The following MDN1 variants were observed in gnomAD, a reference collection of about 807,000 sequenced individuals.
The protein encoded by MDN1 is midasin.
MDN1 carries 266 observed loss-of-function variants against 669.2 expected under a neutral mutation model. That is an observed-to-expected ratio of 0.40 (90% CI 0.36 to 0.44). The LOEUF (loss-of-function observed/expected upper bound fraction) is 0.44, where lower values mean the gene tolerates loss of function less well. Ranked by LOEUF, MDN1 falls within the 20% of genes least tolerant of loss-of-function variation. The pLI is 1.00. For synonymous variants in MDN1, 2,385 were observed against 2,457.1 expected (o/e 0.97, Z 0.87); for missense variants, 5,940 against 6,754.0 (o/e 0.88, Z 4.22).
rs781281724 is a variant in MDN1, at chr6:89,689,917, C to G, written c.10976G>C (p.Cys3659Ser). 1 of 1,614,182 alleles carries G rather than the reference C, an allele frequency of 6.2e-7. No individual in the cohort carries two copies. The highest frequency in any genetic ancestry group is 2.2e-5 in the East Asian group (1 of 44,892). Residue 3659 changes from cysteine to serine, a missense_variant, in exon 65 of 102, where the codon TGC (cysteine) becomes TCC (serine). This residue lies in a region of MDN1 where 2,280 missense variants were observed against 2,576.3 expected (regional missense o/e 0.88). Coordinates refer to ENST00000369393, the MANE Select transcript of MDN1 (RefSeq NM_014611.3). ...AKHYLSLFLSCYQTGASLVTH... is the reference protein window; with the variant it reads ...AKHYLSLFLSSYQTGASLVTH... ...CACAAGCGATGCCCCAGTCTGATAG[C>G]AAGACAGAAACAGGCTGAGGTAATG...
At chr6:89,679,109 T>TG (rs1328014274) in intron 74 of MDN1, among the ~76,000 whole-genome samples, 1 of 152,362 alleles carries the variant, frequency 6.6e-6, no homozygotes, top group African/African-American at 2.4e-5. Context: ...TATAATCACT[T>TG]GAAGGAAATT....
In MDN1 at chr6:89,683,293, G is replaced by A; in HGVS notation, c.11941C>T (p.Leu3981=). ...AGGGATGACCGGCAGGGTTCACTCA[G>A]GACTGCTTCAAATTTCTTCATGAAT... The part of the protein sequence containing the change: ...FKFMKKFEAV[L]SEPCRSSLVE... Residue 3981 remains leucine (L), a synonymous_variant, in exon 73 of 102, where the codon CTG becomes TTG. Transcript: ENST00000369393. 6.2e-7 allele frequency: 1 copy of A among 1,614,092 alleles called. No individual in the cohort carries two copies. Among genetic ancestry groups the A allele is most frequent in the East Asian group, 2.2e-5 (1 of 44,882 alleles).
At chr6:89,673,131 C>T in intron 80 of MDN1, 105 bp downstream of exon 80, 1 of 1,010,874 alleles carries the variant, frequency 9.9e-7, no homozygotes, top group South Asian at 1.5e-5. Context: ...TGGACAGGTA[C>T]ATGTAGACCA....
chr6:89,765,219 T>C (rs1366564766), intron 15 of MDN1, among the ~76,000 whole-genome samples: 1 of 151,694 alleles, frequency 6.6e-6, no homozygotes, highest in Non-Finnish European at 1.5e-5. Context: ...ATCGTGCCAC[T>C]GCACTCCAGC....
chr6:89,648,303 A>G lies in MDN1; in HGVS notation c.16233T>C (p.Ile5411=). 6.2e-7 allele frequency: 1 copy of G among 1,614,198 alleles called. No individual in the cohort carries two copies. The highest frequency in any genetic ancestry group is 1.1e-5 in the South Asian group (1 of 91,086). Residue 5411 remains isoleucine (I), a synonymous_variant, in exon 98 of 102, where the codon ATT becomes ATC. Coordinates refer to ENST00000369393, the MANE Select transcript of MDN1 (RefSeq NM_014611.3). The part of the protein sequence containing the change: ...KQLAFESLAV[I]GNALTLLEVG... ...CTTCCAGGAGGGTTAGAGCATTTCC[A>G]ATCACAGCCAAAGATTCAAATGCAA... is the stretch of plus-strand genomic sequence containing the variant.
intron 83 of MDN1, among the ~76,000 whole-genome samples, chr6:89,670,170 A>ATATATATTTT (rs1444537561): frequency 9.4e-4 from 22 of 23,396 alleles, no homozygotes; most frequent in African/African-American, 2.8e-3. Context: ...ATATATATAT[A>ATATATATTTT]TTTTTTTTTT....
intron 9 of MDN1, among the ~76,000 whole-genome samples, chr6:89,783,648 C>A (rs1023820278): frequency 3.3e-5 from 5 of 152,136 alleles, no homozygotes; most frequent in African/African-American, 9.7e-5. Context: ...TGTTCTTACA[C>A]CCCCTCCCCT....
At chr6:89,744,091 G>A (rs1483450365) in intron 29 of MDN1, among the ~76,000 whole-genome samples, 6 of 135,940 alleles carry the variant, frequency 4.4e-5, no homozygotes, top group African/African-American at 1.1e-4. Flanking sequence ...TAACAAGAGC[G>A]GAATGCCTTC....
Position 89,727,969 on chromosome 6 carries a change from A to G in MDN1, c.5350-14T>C. 1 of 1,595,884 alleles carries G rather than the reference A, an allele frequency of 6.3e-7. No homozygotes were observed. Among genetic ancestry groups the G allele is most frequent in the Non-Finnish European group, 8.5e-7 (1 of 1,172,698 alleles). The stretch of plus-strand genomic sequence containing the variant: ...GTCTGTGATGTCCTTTGAAAGGGGA[A>G]GAAATGGAAAGAAGCCATTATTACT... On this transcript the variant is annotated splice_polypyrimidine_tract_variant and intron_variant, in intron 36 of 101. Transcript: ENST00000369393.
In MDN1 at chr6:89,819,757, C is replaced by G. The variant is rs972450155; in HGVS notation, c.-150G>C. ...TCCAGCGCCTACACCGGGAGAGGGG[C>G]ACCACACGTGGGTGAGCACACGGCG... On this transcript the variant is annotated 5_prime_UTR_variant, in exon 1 of 102. Coordinates refer to ENST00000369393, the MANE Select transcript of MDN1 (RefSeq NM_014611.3). 3.1e-6 allele frequency: 2 copies of G among 645,284 alleles called. No individual in the cohort carries two copies. Among genetic ancestry groups the G allele is most frequent in the South Asian group, 3.5e-5 (2 of 56,666 alleles). The allele number at this position is 645,284 out of a possible 1,614,324, so 40.0% of individuals were successfully genotyped here.
Position 89,700,288 on chromosome 6 carries a change from A to G in MDN1, c.8645T>C (p.Leu2882Ser). The G allele has an allele frequency of 6.2e-7, 1 of 1,613,326 alleles. No individual in the cohort carries two copies. The highest frequency in any genetic ancestry group is 8.5e-7 in the Non-Finnish European group (1 of 1,179,284). The change falls in exon 57 of 102, where the codon TTG becomes TCG. Residue 2882 changes from leucine (L) to serine (S), a missense_variant. Physicochemically the swap from Leu to Ser is moderately radical, Grantham distance 145 (BLOSUM62 -2). Coordinates refer to ENST00000369393, the MANE Select transcript of MDN1 (RefSeq NM_014611.3). The part of the protein sequence containing the change: ...NILEDVSLDE[L>S]KNFVHAQCLE... ...ACACTGAGCATGCACAAAATTCTTC[A>G]ATTCATCTGGACAAAAAGACAAATG...
At chr6:89,818,916 T>C (rs967123132) in intron 1 of MDN1, among the ~76,000 whole-genome samples, 2 of 152,196 alleles carry the variant, frequency 1.3e-5, no homozygotes, top group East Asian at 3.8e-4. Context: ...TTATAATTTG[T>C]ATAGTTAGTT....
chr6:89,721,655 G>A (rs1330607403), intron 40 of MDN1, among the ~76,000 whole-genome samples: 2 of 152,150 alleles, frequency 1.3e-5, no homozygotes, highest in Admixed American at 6.5e-5. Context: ...CTGGAGTGCA[G>A]CGGCCTTTGA....
In MDN1 at chr6:89,792,211, GA is replaced by G. The variant is rs1819309690; in HGVS notation, c.855+1550del. 6.6e-5 allele frequency among the ~76,000 whole-genome samples: 10 copies of G among 152,206 alleles called. No individual in the cohort carries two copies. The South Asian group carries it at 2.1e-3, about 32-fold the overall frequency. ...AACAATGCATCCAATATACATGGGG[GA>G]AAAGGGGAATGATTTATAACCTTAA... On this transcript the variant is annotated intron_variant, in intron 5 of 101. Coordinates refer to ENST00000369393, the MANE Select transcript of MDN1 (RefSeq NM_014611.3).
At chr6:89,770,705 G>A (rs1026476062) in intron 15 of MDN1, among the ~76,000 whole-genome samples, 5 of 152,070 alleles carry the variant, frequency 3.3e-5, no homozygotes, top group Non-Finnish European at 5.9e-5. Context: ...ATTTCATCAT[G>A]TTGGCCAGGC....
At chr6:89,676,651 A>G (rs1811215682) in intron 76 of MDN1, among the ~76,000 whole-genome samples, 1 of 152,250 alleles carries the variant, frequency 6.6e-6, no homozygotes, top group South Asian at 2.1e-4. Flanking sequence ...CTATTCAGCT[A>G]CAGTGCTGCT....
intron 1 of MDN1, chr6:89,815,023 A>G: frequency 3.4e-6 from 2 of 590,814 alleles, no homozygotes; most frequent in Non-Finnish European, 5.7e-6. Flanking sequence ...GACCCAGGTG[A>G]AGGCCAGGAG....
At chr6:89,686,029 C>T (rs1811980618) in intron 69 of MDN1, 56 bp from the exon 70 acceptor site, 1 of 1,550,328 alleles carries the variant, frequency 6.5e-7, no homozygotes, top group Non-Finnish European at 8.8e-7. Context: ...ACTCCCTATT[C>T]CTAACATGCA....
chr6:89,700,000 G>A lies in MDN1; in HGVS notation c.8870+63C>T, dbSNP rs546837518. ...AGTCTGTGGTTTGTTTATGGGTATA[G>A]GATACACAGAATAATCAAGAAAAAA... is the stretch of plus-strand genomic sequence containing the variant. On this transcript the variant is annotated intron_variant, in intron 57 of 101. Coordinates refer to ENST00000369393, the MANE Select transcript of MDN1 (RefSeq NM_014611.3). The A allele has an allele frequency of 2.0e-4, 284 of 1,442,910 alleles. 1 individual carries two copies. The South Asian group carries it at 3.2e-3, about 16-fold the overall frequency. The allele number at this position is 1,442,910 out of a possible 1,614,324, so 89.4% of individuals were successfully genotyped here. A position where few individuals can be genotyped will look rare whatever the true frequency, so the allele number is the denominator to read the frequency against.
Sources: allele counts gnomAD v4.1 joint callset (sites outside exome capture counted in the v4.1 genomes callset), GRCh38; gene constraint gnomAD v4.1.1; regional missense constraint gnomAD v4.1.1; transcripts MANE v1.5; gene names NCBI Gene and HGNC (gene_info 2026-07-23, HGNC 2026-07-21).